The following ZFHX3 variants were observed in gnomAD, a reference collection of about 807,000 sequenced individuals.
ZFHX3 encodes zinc finger homeobox 3.
ZFHX3 carries 42 observed loss-of-function variants against 279.1 expected under a neutral mutation model. The ratio of observed to expected loss-of-function variants is 0.15; its 90% CI spans 0.12 to 0.19. The LOEUF (loss-of-function observed/expected upper bound fraction) is 0.19, where lower values mean the gene tolerates loss of function less well. ZFHX3 is among the 10% of genes least tolerant of loss of function. ZFHX3 has a pLI of 1.00. For synonymous variants in ZFHX3, 2,293 were observed against 1,957.8 expected (o/e 1.17, Z -4.52); for missense variants, 4,981 against 4,754.0 (o/e 1.05, Z -1.40).
At chr16:73,320,008 CTT>C (rs2015542965) in intron 3 of ZFHX3, among the ~76,000 whole-genome samples, 1 of 152,112 alleles carries the variant, frequency 6.6e-6, no homozygotes, top group South Asian at 2.1e-4. Context: ...TAAAGCGAGT[CTT>C]TATCTCCAGA....
intron 4 of ZFHX3, among the ~76,000 whole-genome samples, chr16:72,847,665 A>G (rs1357159363): frequency 6.6e-6 from 1 of 151,994 alleles, no homozygotes; most frequent in East Asian, 1.9e-4. Flanking sequence ...CAGAGGAGTG[A>G]ATTCCTTTCC....
At chr16:73,567,288 T>A (rs770211231) in intron 2 of ZFHX3, among the ~76,000 whole-genome samples, 104 of 151,612 alleles carry the variant, frequency 6.9e-4, no homozygotes, top group Non-Finnish European at 1.3e-3. Context: ...CCAAATAAGA[T>A]CACATGCTAA....
At chr16:73,440,369 A>T (rs941698360) in intron 3 of ZFHX3, among the ~76,000 whole-genome samples, 6 of 152,226 alleles carry the variant, frequency 3.9e-5, no homozygotes, top group African/African-American at 4.8e-5. Context: ...TTTACATGGG[A>T]TGAGGTGATC....
intron 7 of ZFHX3, chr16:73,123,346 T>G (rs1043190987): frequency 6.7e-6 from 1 of 148,324 alleles, no homozygotes. Flanking sequence ...GACAAGCACT[T>G]GCACAGAGGG....
At chr16:72,816,993 G>C (rs999730918) in intron 5 of ZFHX3, among the ~76,000 whole-genome samples, 1 of 152,214 alleles carries the variant, frequency 6.6e-6, no homozygotes, top group Non-Finnish European at 1.5e-5. Context: ...ATAGGGAAGA[G>C]AGCTGATAAG....
intron 1 of ZFHX3, among the ~76,000 whole-genome samples, chr16:73,001,668 A>C (rs188846249): frequency 3.6e-4 from 55 of 152,036 alleles, no homozygotes; most frequent in Middle Eastern, 3.4e-3. Flanking sequence ...TTTTAAAAAA[A>C]GGTTAGCCAA....
intron 3 of ZFHX3, among the ~76,000 whole-genome samples, chr16:73,446,535 G>T (rs117355913): frequency 6.6e-6 from 1 of 152,156 alleles, no homozygotes; most frequent in Non-Finnish European, 1.5e-5. Flanking sequence ...CCCCCAACAC[G>T]TGAGGATTAC....
chr16:73,268,037 T>C (rs970133496), intron 4 of ZFHX3, among the ~76,000 whole-genome samples: 7 of 152,224 alleles, frequency 4.6e-5, no homozygotes, highest in Non-Finnish European at 8.8e-5. Context: ...AGATTTGATT[T>C]ACCCAGTATT....
chr16:73,515,820 C>G (rs2143697141), intron 2 of ZFHX3, among the ~76,000 whole-genome samples: 1 of 152,288 alleles, frequency 6.6e-6, no homozygotes, highest in Non-Finnish European at 1.5e-5. Flanking sequence ...GATCATCTGA[C>G]CAGCTGTTTA....
chr16:73,259,659 T>C (rs1420121136), intron 4 of ZFHX3, among the ~76,000 whole-genome samples: 16 of 152,180 alleles, frequency 1.1e-4, no homozygotes, highest in Admixed American at 1.0e-3. Context: ...TGCACATGTA[T>C]TTTCTTTGAA....
upstream of ZFHX3, among the ~76,000 whole-genome samples, chr16:73,064,192 G>T (rs1075855): frequency 5.9e-5 from 9 of 151,748 alleles, no homozygotes; most frequent in Non-Finnish European, 1.3e-4. Flanking sequence ...GGAGGCAGGT[G>T]GGGGGTGCGG....
chr16:73,545,897 A>ACT (rs2020100534), intron 2 of ZFHX3, among the ~76,000 whole-genome samples: 1 of 152,034 alleles, frequency 6.6e-6, no homozygotes, highest in African/African-American at 2.4e-5. Context: ...CAGGGGACAA[A>ACT]CTCTGAATAA....
intron 5 of ZFHX3, among the ~76,000 whole-genome samples, chr16:73,233,506 A>C (rs2012844485): frequency 6.6e-6 from 1 of 152,168 alleles, no homozygotes; most frequent in African/African-American, 2.4e-5. Flanking sequence ...GGGTTACTGA[A>C]AGACGCTGGA....
chr16:72,959,982 G>T lies in ZFHX3; in HGVS notation c.164C>A (p.Ala55Asp). The T allele has an allele frequency of 6.2e-7, 1 of 1,612,608 alleles. No individual in the cohort carries two copies. Among genetic ancestry groups the T allele is most frequent in the Non-Finnish European group, 8.5e-7 (1 of 1,179,210 alleles). Residue 55 changes from alanine (A) to aspartate (D), a missense_variant, in exon 2 of 10, where the codon GCC becomes GAC. Around this residue, in one of 7 missense-constraint regions of ZFHX3, gnomAD observed 1,068 missense variants for 935.2 expected, o/e 1.14. Coordinates refer to ENST00000268489, the MANE Select transcript of ZFHX3 (RefSeq NM_006885.4). ...CTCCGCGAGGCGCTCATTGAAGGGG[G>T]CCCTCAGGCTGTCCAAGGGCCCGTG... ...ESHGPLDSLRAPFNERLAEST... is the reference protein window; with the variant it reads ...ESHGPLDSLRDPFNERLAEST...
chr16:73,270,338 C>G (rs897244357), intron 4 of ZFHX3, among the ~76,000 whole-genome samples: 18 of 152,148 alleles, frequency 1.2e-4, no homozygotes, highest in African/African-American at 3.1e-4. Flanking sequence ...AAATCTCTCC[C>G]ACGTGCTTAG....
At chr16:73,687,671 G>A (rs1284833283) in intron 1 of ZFHX3, among the ~76,000 whole-genome samples, 2 of 151,580 alleles carry the variant, frequency 1.3e-5, no homozygotes, top group Admixed American at 6.6e-5. Context: ...GTGAAACCCC[G>A]TCTCTGCTAA....
At chr16:73,043,652 T>G (rs1267035355) in intron 1 of ZFHX3, among the ~76,000 whole-genome samples, 1 of 152,190 alleles carries the variant, frequency 6.6e-6, no homozygotes, top group Non-Finnish European at 1.5e-5. Context: ...GCCCAAAGAA[T>G]GAAAACCAGA....
intron 1 of ZFHX3, among the ~76,000 whole-genome samples, chr16:73,754,668 G>T (rs1015599211): frequency 1.3e-5 from 2 of 152,070 alleles, no homozygotes; most frequent in African/African-American, 2.4e-5. Flanking sequence ...CTTTACTTCC[G>T]ACTAGCCTTG....
rs558915735 is a variant in ZFHX3, at chr16:72,987,674, T to C, written c.-49-27480A>G. On this transcript the variant is annotated intron_variant, in intron 1 of 9. Transcript: ENST00000268489. ...TCAGAACACTGGAGCCAGTTTTATG[T>C]AGAGTATCATTCGTTTGCCAAAGAC... 3.3e-5 allele frequency among the ~76,000 whole-genome samples: 5 copies of C among 152,314 alleles called. No homozygotes were observed. The South Asian group carries it at 8.3e-4, about 25-fold the overall frequency.
Sources: allele counts gnomAD v4.1 joint callset (sites outside exome capture counted in the v4.1 genomes callset), GRCh38; gene constraint gnomAD v4.1.1; regional missense constraint gnomAD v4.1.1; transcripts MANE v1.5; gene names NCBI Gene and HGNC (gene_info 2026-07-23, HGNC 2026-07-21).